XKR4: variants seen among roughly 807,000 people sequenced by gnomAD.
XKR4 encodes the protein XK-related protein 4.
A neutral mutation model predicts 53.9 loss-of-function variants in XKR4; 12 were observed. The observed-to-expected ratio is 0.22, with a 90% CI of 0.14 to 0.36. The LOEUF is 0.36. XKR4 is among the 10% of genes least tolerant of loss of function. The pLI is 1.00. For synonymous variants in XKR4, 354 were observed against 362.4 expected (o/e 0.98, Z 0.26); for missense variants, 799 against 859.5 (o/e 0.93, Z 0.88).
At chr8:55,501,656 T>A (rs1806439120) in intron 2 of XKR4, among the ~76,000 whole-genome samples, 1 of 149,714 alleles carries the variant, frequency 6.7e-6, no homozygotes, top group African/African-American at 2.4e-5. Flanking sequence ...GACTGAATAA[T>A]TTTCTATTGT....
At chr8:55,293,336 A>G (rs529111797) in intron 1 of XKR4, among the ~76,000 whole-genome samples, 2 of 152,318 alleles carry the variant, frequency 1.3e-5, no homozygotes, top group Admixed American at 6.5e-5. Context: ...CTCAAAAAAT[A>G]AAATAAAGTA....
chr8:55,444,016 T>C (rs1805310751), intron 2 of XKR4, among the ~76,000 whole-genome samples: 1 of 151,560 alleles, frequency 6.6e-6, no homozygotes, highest in South Asian at 2.1e-4. Flanking sequence ...ACCAAAAATA[T>C]GAAAATTAGC....
chr8:55,452,787 G>A, intron 2 of XKR4: 1 of 789,928 alleles, frequency 1.3e-6, no homozygotes, highest in Non-Finnish European at 2.3e-6. Context: ...CACACTGCCA[G>A]CCATGCTGTT....
At chr8:55,147,433 G>A (rs1816785147) in intron 1 of XKR4, among the ~76,000 whole-genome samples, 1 of 152,182 alleles carries the variant, frequency 6.6e-6, no homozygotes, top group South Asian at 2.1e-4. Context: ...AGACACTTAG[G>A]GAGGAGAGCT....
chr8:55,338,938 A>C (rs1459769625), intron 1 of XKR4, among the ~76,000 whole-genome samples: 1 of 152,244 alleles, frequency 6.6e-6, no homozygotes, highest in East Asian at 1.9e-4. Flanking sequence ...TGAACTGTTT[A>C]ATGCAGCTGT....
chr8:55,341,302 G>C (rs1433551510), intron 1 of XKR4, among the ~76,000 whole-genome samples: 1 of 152,118 alleles, frequency 6.6e-6, no homozygotes, highest in Non-Finnish European at 1.5e-5. Flanking sequence ...ACATTACCTG[G>C]CAGGTGGGCA....
At chr8:55,484,374 A>C (rs1160429451) in intron 2 of XKR4, among the ~76,000 whole-genome samples, 1 of 152,208 alleles carries the variant, frequency 6.6e-6, no homozygotes, top group African/African-American at 2.4e-5. Flanking sequence ...GCAAAAAGAA[A>C]ACTCCAGATT....
At chr8:55,460,734 A>G (rs1310309666) in intron 2 of XKR4, among the ~76,000 whole-genome samples, 1 of 152,162 alleles carries the variant, frequency 6.6e-6, no homozygotes, top group Non-Finnish European at 1.5e-5. Context: ...TTCCTAGTCA[A>G]AGAAAGGGGT....
Position 55,454,472 on chromosome 8 carries a change from A to C in XKR4, c.1007-68809A>C, listed in dbSNP as rs1364889516. 5.1e-5 allele frequency: 61 copies of C among 1,188,046 alleles called. 1 individual carries two copies. The South Asian group carries it at 6.3e-4, about 12-fold the overall frequency. 73.6% of individuals were successfully genotyped at this position (1,188,046 alleles called of 1,614,324 possible). On this transcript the variant is annotated intron_variant, in intron 2 of 2. Transcript: ENST00000327381. ...GGACAGGAAGAGAACCTCGTGCTCCATGAGGGTGGCACAGACCAAAGACAG... is the reference window on the plus strand; with the variant it reads ...GGACAGGAAGAGAACCTCGTGCTCCCTGAGGGTGGCACAGACCAAAGACAG...
chr8:55,392,741 A>G (rs927767900), intron 2 of XKR4, among the ~76,000 whole-genome samples: 2 of 152,200 alleles, frequency 1.3e-5, no homozygotes, highest in African/African-American at 4.8e-5. Flanking sequence ...CAGTGAGCTG[A>G]GATTGAACCA....
intron 2 of XKR4, among the ~76,000 whole-genome samples, chr8:55,479,873 C>T (rs963815899): frequency 6.6e-6 from 1 of 152,150 alleles, no homozygotes; most frequent in African/African-American, 2.4e-5. Context: ...TCTGAATAGA[C>T]CAATAACAGG....
chr8:55,260,679 A>G (rs369667966), intron 1 of XKR4, among the ~76,000 whole-genome samples: 2 of 152,156 alleles, frequency 1.3e-5, no homozygotes, highest in African/African-American at 4.8e-5. Context: ...TCTGATTTAC[A>G]CAGGGCCCAA....
At chr8:55,140,482 G>A (rs917009075) in intron 1 of XKR4, among the ~76,000 whole-genome samples, 1 of 152,346 alleles carries the variant, frequency 6.6e-6, no homozygotes, top group African/African-American at 2.4e-5. Flanking sequence ...TTAAGGAATG[G>A]CTTCAGCCCA....
chr8:55,232,135 G>A (rs898029108), intron 1 of XKR4, among the ~76,000 whole-genome samples: 4 of 152,146 alleles, frequency 2.6e-5, no homozygotes, highest in African/African-American at 9.7e-5. Context: ...GTCATTTTCC[G>A]TTGGGTTGTA....
intron 1 of XKR4, among the ~76,000 whole-genome samples, chr8:55,287,505 C>T (rs1818924483): frequency 6.6e-6 from 1 of 152,194 alleles, no homozygotes; most frequent in African/African-American, 2.4e-5. Context: ...GGATCCCAGC[C>T]AGGGAACCCA....
chr8:55,450,535 CT>C (rs1228508901), intron 2 of XKR4: 1 of 667,240 alleles, frequency 1.5e-6, no homozygotes, highest in Non-Finnish European at 2.8e-6. Context: ...GTAGGAAGGT[CT>C]AGAAACAGCG....
At chr8:55,171,765 C>CA (rs1223572285) in intron 1 of XKR4, among the ~76,000 whole-genome samples, 3 of 152,070 alleles carry the variant, frequency 2.0e-5, no homozygotes, top group Non-Finnish European at 4.4e-5. Context: ...ACAGCCTGGT[C>CA]ATAAGCCAAG....
intron 1 of XKR4, among the ~76,000 whole-genome samples, chr8:55,222,025 T>G (rs1400480966): frequency 6.6e-6 from 1 of 152,228 alleles, no homozygotes; most frequent in African/African-American, 2.4e-5. Context: ...CCATGGGCCC[T>G]GCATATTTCC....
chr8:55,194,948 C>G (rs963204505), intron 1 of XKR4, among the ~76,000 whole-genome samples: 9 of 152,080 alleles, frequency 5.9e-5, no homozygotes, highest in African/African-American at 2.2e-4. Flanking sequence ...AAATTATATT[C>G]CATGATAGAT....
Sources: allele counts gnomAD v4.1 joint callset (sites outside exome capture counted in the v4.1 genomes callset), GRCh38; gene constraint gnomAD v4.1.1; transcripts MANE v1.5; gene names NCBI Gene and HGNC (gene_info 2026-07-23, HGNC 2026-07-21).